ADAMTS17: variants seen among roughly 807,000 people sequenced by gnomAD.
ADAMTS17 encodes the protein ADAM metallopeptidase with thrombospondin type 1 motif 17.
In ADAMTS17, 113 loss-of-function variants were observed where a neutral mutation model predicts 141.5. The observed-to-expected ratio is 0.80, with a 90% CI of 0.69 to 0.93. The LOEUF (loss-of-function observed/expected upper bound fraction) is 0.93, where lower values mean the gene tolerates loss of function less well. Ranked by LOEUF, ADAMTS17 falls within the 40% of genes least tolerant of loss-of-function variation. The pLI is 0.00. For synonymous variants in ADAMTS17, 768 were observed against 630.6 expected (o/e 1.22, Z -3.27); for missense variants, 1,659 against 1,517.9 (o/e 1.09, Z -1.54).
At chr15:100,273,101 T>G (rs1310176475) in intron 4 of ADAMTS17, among the ~76,000 whole-genome samples, 1 of 152,184 alleles carries the variant, frequency 6.6e-6, no homozygotes. Flanking sequence ...TCCTAGTATT[T>G]TATTGAGGAC....
At chr15:100,282,161 C>T (rs761640455) in intron 3 of ADAMTS17, among the ~76,000 whole-genome samples, 1 of 152,232 alleles carries the variant, frequency 6.6e-6, no homozygotes, top group African/African-American at 2.4e-5. Flanking sequence ...CTCTGACCAA[C>T]ACAACAGGTT....
At chr15:99,983,442 C>T (rs927608061) in intron 20 of ADAMTS17, among the ~76,000 whole-genome samples, 1 of 152,042 alleles carries the variant, frequency 6.6e-6, no homozygotes, top group African/African-American at 2.4e-5. Context: ...AACCAGGTCT[C>T]CATCACCCCT....
At chr15:100,304,411 CTG>C (rs2045150866) in intron 3 of ADAMTS17, among the ~76,000 whole-genome samples, 1 of 152,320 alleles carries the variant, frequency 6.6e-6, no homozygotes, top group South Asian at 2.1e-4. Flanking sequence ...CAGAATAAAT[CTG>C]TGAGTCCATG....
At chr15:100,223,299 C>A (rs2042192092) in intron 7 of ADAMTS17, among the ~76,000 whole-genome samples, 2 of 152,224 alleles carry the variant, frequency 1.3e-5, no homozygotes, top group Non-Finnish European at 2.9e-5. Context: ...ACCAAAGAGT[C>A]AGTTGTTTCC....
intron 3 of ADAMTS17, among the ~76,000 whole-genome samples, chr15:100,303,862 A>G (rs1213294606): frequency 6.6e-6 from 1 of 152,142 alleles, no homozygotes; most frequent in Non-Finnish European, 1.5e-5. Flanking sequence ...AGTTGGGACT[A>G]CAGGTGCATG....
intron 12 of ADAMTS17, among the ~76,000 whole-genome samples, chr15:100,127,915 G>C (rs1268617566): frequency 6.6e-6 from 1 of 151,010 alleles, no homozygotes; most frequent in African/African-American, 2.4e-5. Context: ...TCTGTACAAT[G>C]AAGATAAAAA....
At chr15:100,173,787 G>A (rs1341225456) in intron 8 of ADAMTS17, among the ~76,000 whole-genome samples, 1 of 152,140 alleles carries the variant, frequency 6.6e-6, no homozygotes, top group Non-Finnish European at 1.5e-5. Flanking sequence ...GCCCACCTCA[G>A]ACCAAACACC....
At chr15:100,223,933 C>T (rs1489865111) in intron 7 of ADAMTS17, among the ~76,000 whole-genome samples, 2 of 152,126 alleles carry the variant, frequency 1.3e-5, no homozygotes, top group Non-Finnish European at 2.9e-5. Flanking sequence ...AGTCCCGAAG[C>T]TGAAGAACTT....
chr15:100,255,015 A>G (rs1596372045), intron 6 of ADAMTS17, among the ~76,000 whole-genome samples: 1 of 12,388 alleles, frequency 8.1e-5, no homozygotes, highest in Non-Finnish European at 1.6e-4. Flanking sequence ...AAGGTGAAGG[A>G]AAAAAAAAAA....
intron 2 of ADAMTS17, among the ~76,000 whole-genome samples, chr15:100,337,740 CCCT>C (rs1306569995): frequency 6.6e-6 from 1 of 152,216 alleles, no homozygotes; most frequent in Non-Finnish European, 1.5e-5. Context: ...TCCAGCCCTC[CCCT>C]CCTCTCGTTC....
rs917184116 is a variant in ADAMTS17 at position 99,997,644 on chromosome 15, C to T, written c.2592-55G>A. ...CGACTGGGTGAGAGGCCAGCCTCTC[C>T]GGAGGGCCTTCCGGCCGGATCCTGG... On this transcript the variant is annotated intron_variant, in intron 18 of 21. Transcript: ENST00000268070. This position sits in a 1 kb window ranked among gnomAD's most constrained non-coding sequence, Gnocchi z 4.7. The T allele has an allele frequency of 3.9e-5, 63 of 1,604,276 alleles. 1 individual carries two copies. Among genetic ancestry groups the T allele is most frequent in the African/African-American group, 5.4e-5 (4 of 74,740 alleles).
At chr15:100,085,103 T>G (rs1279439284) in intron 15 of ADAMTS17, among the ~76,000 whole-genome samples, 15 of 151,974 alleles carry the variant, frequency 9.9e-5, no homozygotes, top group Admixed American at 8.5e-4. Context: ...GAAAAAATAT[T>G]AGATGAATGG....
chr15:100,063,995 T>C (rs1264939236), intron 15 of ADAMTS17, among the ~76,000 whole-genome samples: 5 of 152,138 alleles, frequency 3.3e-5, no homozygotes, highest in African/African-American at 9.7e-5. Context: ...CAAATTCGTA[T>C]GTTGAAGTTC....
At chr15:100,005,667 C>T (rs2061023867) in intron 18 of ADAMTS17, among the ~76,000 whole-genome samples, 1 of 152,154 alleles carries the variant, frequency 6.6e-6, no homozygotes, top group Non-Finnish European at 1.5e-5. Context: ...AATCAGTTGG[C>T]CTTAAAATTT....
chr15:100,281,350 C>T lies in ADAMTS17; in HGVS notation c.668G>A (p.Arg223Lys), dbSNP rs1251180062. The T allele has an allele frequency of 1.2e-6, 2 of 1,610,560 alleles. No homozygotes were observed. Among genetic ancestry groups the T allele is most frequent in the Admixed American group, 1.7e-5 (1 of 59,980 alleles). The change falls in exon 4 of 22, where the codon AGG becomes AAG. Residue 223 changes from arginine (R) to lysine (K), a missense_variant. By Grantham distance (26) the Arg-to-Lys change is conservative. Coordinates refer to ENST00000268070, the MANE Select transcript of ADAMTS17 (RefSeq NM_139057.4). ...GRPSRDWRER[R>K]NAIRLTSEHT... ...CTCGCTGGTGAGCCGGATAGCGTTC[C>T]TCCGCTCCCGCCAGTCCCGCGAAGG...
chr15:100,231,816 CCT>C lies in ADAMTS17; in HGVS notation c.1075+22318_1075+22319del, dbSNP rs550371983. 3.1e-3 allele frequency among the ~76,000 whole-genome samples: 472 copies of C among 152,268 alleles called. 6 individuals carry two copies. Among genetic ancestry groups the C allele is most frequent in the Non-Finnish European group, 3.7e-4 (25 of 68,034 alleles). ...TGCATTTTCTGGCCTCAGATTCGCC[CCT>C]GATTGTATTAGGTCATCTTACCGTC... On this transcript the variant is annotated intron_variant, in intron 7 of 21. Coordinates refer to ENST00000268070, the MANE Select transcript of ADAMTS17 (RefSeq NM_139057.4).
chr15:99,973,517 T>C lies in ADAMTS17; in HGVS notation c.*885A>G, dbSNP rs2727198. On this transcript the variant is annotated 3_prime_UTR_variant, in exon 22 of 22. Transcript: ENST00000268070. ...TAGGAAGTGCAGGCCAGAGTGGATG[T>C]TCCCGGAAGGCGGGGCAGGTGCCCA... 0.62 allele frequency: 94,211 copies of C among 151,800 alleles called. 29,493 individuals carry two copies. Among genetic ancestry groups the C allele is most frequent in the Non-Finnish European group, 0.66 (44,832 of 67,900 alleles). The allele number at this position is 151,800 out of a possible 1,614,324, so 9.4% of individuals were successfully genotyped here. A position where few individuals can be genotyped will look rare whatever the true frequency, so the allele number is the denominator to read the frequency against.
chr15:100,129,661 T>G (rs1380377876), intron 12 of ADAMTS17: 3 of 152,190 alleles, frequency 2.0e-5, no homozygotes, highest in African/African-American at 7.3e-5. Flanking sequence ...GAGAATCGCT[T>G]GAACCTGGGA....
At chr15:100,162,989 A>G (rs889673051) in intron 8 of ADAMTS17, among the ~76,000 whole-genome samples, 6 of 142,406 alleles carry the variant, frequency 4.2e-5, no homozygotes, top group African/African-American at 1.7e-4. Flanking sequence ...TGTATATATA[A>G]CTATATATGT....
Sources: gnomAD v4.1 joint callset for allele counts (sites outside exome capture counted in the v4.1 genomes callset) on GRCh38, gnomAD v4.1.1 for gene constraint, Gnocchi (gnomAD v3.1) non-coding constraint, MANE v1.5 for transcripts, NCBI Gene and HGNC (gene_info 2026-07-23, HGNC 2026-07-21) for gene names.